CADM2: variants seen among roughly 807,000 people sequenced by gnomAD.
The protein encoded by CADM2 is immunoglobulin superfamily member 4D.
A neutral mutation model predicts 49.8 loss-of-function variants in CADM2; 12 were observed. The observed-to-expected ratio is 0.24, with a 90% confidence interval of 0.15 to 0.39. CADM2 has a LOEUF of 0.39. CADM2 is among the 10% of genes least tolerant of loss of function. The pLI, the probability that CADM2 is intolerant of heterozygous loss-of-function variation, is 1.00. For synonymous variants in CADM2, 214 were observed against 175.4 expected (o/e 1.22, Z -1.74); for missense variants, 378 against 492.3 (o/e 0.77, Z 2.20).
chr3:86,007,877 T>C (rs1020642691), intron 8 of CADM2, among the ~76,000 whole-genome samples: 2 of 152,248 alleles, frequency 1.3e-5, no homozygotes, highest in Non-Finnish European at 2.9e-5. Flanking sequence ...GGTATTTTTA[T>C]CTTAAATTTC....
chr3:86,041,987 A>G (rs1451583480), intron 8 of CADM2, among the ~76,000 whole-genome samples: 3 of 152,228 alleles, frequency 2.0e-5, no homozygotes, highest in African/African-American at 4.8e-5. Context: ...TACAGGGTAC[A>G]TAATGAAATG....
intron 1 of CADM2, among the ~76,000 whole-genome samples, chr3:85,503,623 G>A (rs567330347): frequency 6.6e-6 from 1 of 152,132 alleles, no homozygotes; most frequent in Non-Finnish European, 1.5e-5. Flanking sequence ...TGTCAACACC[G>A]TATTGTATAT....
intron 1 of CADM2, among the ~76,000 whole-genome samples, chr3:85,671,320 G>T (rs1055465005): frequency 3.3e-5 from 5 of 152,156 alleles, no homozygotes; most frequent in South Asian, 2.1e-4. Context: ...TGGAATGGGG[G>T]TGGAGGAGAA....
At chr3:85,698,779 C>A (rs146591312) in intron 1 of CADM2, among the ~76,000 whole-genome samples, 3 of 152,118 alleles carry the variant, frequency 2.0e-5, no homozygotes, top group Admixed American at 6.5e-5. Flanking sequence ...AGATTCAAAC[C>A]ATATCATTCC....
At chr3:85,850,109 A>G (rs1466104078) in intron 3 of CADM2, among the ~76,000 whole-genome samples, 1 of 152,126 alleles carries the variant, frequency 6.6e-6, no homozygotes, top group Non-Finnish European at 1.5e-5. Context: ...CAATATTTAT[A>G]TGGCAGCAAA....
rs139364484 is a variant in CADM2, at chr3:85,488,134, A to G, written c.62-238388A>G. ...AAAGAAATAAAATTTTTCTGTATTC[A>G]CGTAATGAGGAACCCCTCTTTCTTT... On this transcript the variant is annotated intron_variant, in intron 1 of 9. Transcript: ENST00000383699. 2.2e-3 allele frequency among the ~76,000 whole-genome samples: 342 copies of G among 152,310 alleles called. 1 individual carries two copies. Among genetic ancestry groups the G allele is most frequent in the African/African-American group, 7.6e-3 (317 of 41,576 alleles).
intron 1 of CADM2, among the ~76,000 whole-genome samples, chr3:85,694,356 C>A (rs1308808294): frequency 6.6e-6 from 1 of 152,004 alleles, no homozygotes; most frequent in Non-Finnish European, 1.5e-5. Flanking sequence ...GAAGGGACAC[C>A]AATACACACA....
At chr3:85,477,715 T>C (rs1247365869) in intron 1 of CADM2, among the ~76,000 whole-genome samples, 1 of 151,840 alleles carries the variant, frequency 6.6e-6, no homozygotes, top group African/African-American at 2.4e-5. Flanking sequence ...GTTTGCACAA[T>C]CTAGATATTG....
chr3:85,546,953 A>G (rs920769998), intron 1 of CADM2, among the ~76,000 whole-genome samples: 1 of 152,112 alleles, frequency 6.6e-6, no homozygotes, highest in Non-Finnish European at 1.5e-5. Context: ...GTCTACAGAA[A>G]GTATTTGTTT....
intron 1 of CADM2, among the ~76,000 whole-genome samples, chr3:85,621,242 C>T (rs572631035): frequency 1.1e-3 from 162 of 152,186 alleles, no homozygotes; most frequent in African/African-American, 3.7e-3. Context: ...AAAAAAGCAA[C>T]ATAACCATAA....
chr3:85,673,636 T>A (rs1473660451), intron 1 of CADM2, among the ~76,000 whole-genome samples: 1 of 151,796 alleles, frequency 6.6e-6, no homozygotes, highest in Non-Finnish European at 1.5e-5. Flanking sequence ...AGTAAGATGT[T>A]AACAGGAAGG....
intron 8 of CADM2, among the ~76,000 whole-genome samples, chr3:86,058,120 C>T (rs565217648): frequency 5.9e-5 from 9 of 152,278 alleles, no homozygotes; most frequent in South Asian, 2.1e-4. Context: ...ATTTAATCCT[C>T]ACCCATCAGA....
chr3:85,113,222 T>C (rs2038523320), intron 1 of CADM2, among the ~76,000 whole-genome samples: 1 of 152,132 alleles, frequency 6.6e-6, no homozygotes, highest in African/African-American at 2.4e-5. Flanking sequence ...TTTTACTGAA[T>C]GCAGAGCTGA....
At chr3:85,786,729 A>T (rs868599616) in intron 2 of CADM2, among the ~76,000 whole-genome samples, 1 of 152,046 alleles carries the variant, frequency 6.6e-6, no homozygotes, top group Admixed American at 6.6e-5. Flanking sequence ...GCAGTATCTT[A>T]TGTCTGTCAG....
intron 3 of CADM2, among the ~76,000 whole-genome samples, chr3:85,826,207 C>A (rs1460120183): frequency 6.6e-6 from 1 of 151,926 alleles, no homozygotes; most frequent in Non-Finnish European, 1.5e-5. Flanking sequence ...TTATCAATCA[C>A]TTTACTTGGA....
At chr3:85,566,036 T>C (rs1320970378) in intron 1 of CADM2, among the ~76,000 whole-genome samples, 1 of 152,118 alleles carries the variant, frequency 6.6e-6, no homozygotes, top group African/African-American at 2.4e-5. Context: ...AAAATGACGT[T>C]GGAATACTAG....
At chr3:85,099,469 A>ATTTT (rs56797775) in intron 1 of CADM2, among the ~76,000 whole-genome samples, 2 of 144,534 alleles carry the variant, frequency 1.4e-5, no homozygotes, top group Non-Finnish European at 1.5e-5. Flanking sequence ...CATGAATTAA[A>ATTTT]TTTTTTTTTT....
intron 1 of CADM2, among the ~76,000 whole-genome samples, chr3:85,053,070 A>T (rs1576121711): frequency 1.3e-5 from 2 of 152,020 alleles, no homozygotes; most frequent in Non-Finnish European, 2.9e-5. Context: ...AGTATCAAAG[A>T]TTTTCCAGTG....
At chr3:85,330,785 C>T (rs1477572991) in intron 1 of CADM2, among the ~76,000 whole-genome samples, 1 of 125,760 alleles carries the variant, frequency 8.0e-6, no homozygotes, top group South Asian at 2.8e-4. Context: ...AGGGAGACTC[C>T]ATCTCTCCAA....
Sources: gnomAD v4.1 joint callset for allele counts (sites outside exome capture counted in the v4.1 genomes callset) on GRCh38, gnomAD v4.1.1 for gene constraint, MANE v1.5 for transcripts, NCBI Gene and HGNC (gene_info 2026-07-23, HGNC 2026-07-21) for gene names.